Variants in FANCM observed in about 807,000 individuals in gnomAD.
The protein encoded by FANCM is FA complementation group M, also known as Fanconi anemia group M protein.
In FANCM, 140 loss-of-function variants were observed where a neutral mutation model predicts 199.5. The ratio of observed to expected loss-of-function variants is 0.70; its 90% CI spans 0.61 to 0.81. The LOEUF (loss-of-function observed/expected upper bound fraction) is 0.81, where lower values mean the gene tolerates loss of function less well. FANCM is among the 30% of genes least tolerant of loss of function. The probability of loss-of-function intolerance (pLI) is 0.00; values close to 1 mark genes in which losing one functional copy is unlikely to be tolerated. For synonymous variants in FANCM, 840 were observed against 836.8 expected (o/e 1.00, Z -0.07); for missense variants, 2,410 against 2,421.4 (o/e 1.00, Z 0.10).
At chr14:45,153,889 T>C (rs2139168493) in intron 5 of FANCM, 31 bp from the exon 6 acceptor site, 1 of 1,591,306 alleles carries the variant, frequency 6.3e-7, no homozygotes, top group Non-Finnish European at 8.6e-7. Context: ...TTTATTTCTC[T>C]GGTTAAATTT....
At chr14:45,193,436 A>G (rs116462862) in intron 20 of FANCM, among the ~76,000 whole-genome samples, 2,332 of 152,308 alleles carry the variant, frequency 0.015, 19 homozygotes, top group Middle Eastern at 0.024. Flanking sequence ...ATCTGCTGAC[A>G]CAAGTGTGGG....
chr14:45,144,185 C>A (rs1034213678), intron 3 of FANCM, among the ~76,000 whole-genome samples: 1 of 152,062 alleles, frequency 6.6e-6, no homozygotes, highest in African/African-American at 2.4e-5. Context: ...TTGTTACAAT[C>A]CAGTTATACT....
chr14:45,176,899 A>G lies in FANCM; in HGVS notation c.4145A>G (p.Asp1382Gly), dbSNP rs2139253766. The G allele has an allele frequency of 6.2e-7, 1 of 1,611,496 alleles. No homozygotes were observed. The highest frequency in any genetic ancestry group is 1.3e-5 in the African/African-American group (1 of 75,000). The change falls in exon 14 of 23, where the codon GAT (aspartate) becomes GGT (glycine). Residue 1382 changes from aspartate (D) to glycine (G), a missense_variant. Coordinates refer to ENST00000267430, the MANE Select transcript of FANCM (RefSeq NM_020937.4). Reference sequence around the variant, plus strand: ...AAAGAAGCATTGAATTCAACTTTTGATTATTCAGAATTTTCTCTAGAAAAG... The same window carrying G: ...AAAGAAGCATTGAATTCAACTTTTGGTTATTCAGAATTTTCTCTAGAAAAG... ...RFKEALNSTF[D>G]YSEFSLEKSK...
intron 13 of FANCM, 24 bp downstream of exon 13, chr14:45,173,234 C>T (rs1206677209): frequency 6.2e-7 from 1 of 1,604,428 alleles, no homozygotes; most frequent in Non-Finnish European, 8.5e-7. Context: ...GTAACTTTCT[C>T]TTGCTGGTAT....
intron 3 of FANCM, among the ~76,000 whole-genome samples, chr14:45,148,236 A>C (rs1044296352): frequency 1.5e-4 from 18 of 119,078 alleles, no homozygotes; most frequent in South Asian, 2.6e-4. Context: ...CACACACACA[A>C]AACAACTTTT....
chr14:45,163,789 T>G (rs1310623886), intron 9 of FANCM, among the ~76,000 whole-genome samples: 1 of 152,210 alleles, frequency 6.6e-6, no homozygotes. Context: ...GTTTTCTCAT[T>G]CAGTGACGAA....
intron 5 of FANCM, among the ~76,000 whole-genome samples, chr14:45,152,019 C>T: frequency 6.8e-6 from 1 of 148,022 alleles, no homozygotes; most frequent in African/African-American, 2.5e-5. Context: ...TAAATTTTAC[C>T]TTTTAACTTT....
intron 14 of FANCM, among the ~76,000 whole-genome samples, chr14:45,178,912 T>A (rs1888879376): frequency 6.6e-6 from 1 of 152,026 alleles, no homozygotes; most frequent in African/African-American, 2.4e-5. Context: ...TTAAAAACCT[T>A]AATGGGCCTG....
At chr14:45,181,546 A>G (rs1889069864) in intron 15 of FANCM, 22 bp downstream of exon 15, 3 of 1,538,136 alleles carry the variant, frequency 2.0e-6, no homozygotes, top group East Asian at 2.3e-5. Flanking sequence ...AGTAATCACA[A>G]TAGTATAATC....
At position 45,173,057 on chromosome 14, in the gene FANCM, T is replaced by G. The variant is rs781479852; in HGVS notation, c.2163T>G (p.Ala721=). The part of the protein sequence containing the change: ...SSLQNEENKP[A]QESTTGIHQL... The stretch of plus-strand genomic sequence containing the variant: ...TTATTACTTTTTAAATAATTAAGGC[T>G]CAAGAATCAACCACTGGAATTCATC... The change falls in exon 13 of 23, where the codon GCT becomes GCG. Residue 721 remains alanine, a splice_region_variant and synonymous_variant. Transcript: ENST00000267430. 7 of 1,604,018 alleles carry G rather than the reference T, an allele frequency of 4.4e-6. No homozygotes were observed. The highest frequency in any genetic ancestry group is 6.0e-6 in the Non-Finnish European group (7 of 1,171,090).
intron 1 of FANCM, among the ~76,000 whole-genome samples, chr14:45,136,745 G>A (rs1885543173): frequency 6.6e-6 from 1 of 152,204 alleles, no homozygotes; most frequent in Non-Finnish European, 1.5e-5. Flanking sequence ...AAGCTATTAT[G>A]TGCGTATACC....
chr14:45,167,245 T>A, intron 11 of FANCM, 82 bp downstream of exon 11: 1 of 817,648 alleles, frequency 1.2e-6, no homozygotes, highest in Non-Finnish European at 2.1e-6. Context: ...TATTTCTTGT[T>A]TGAAAAACTG....
At chr14:45,174,780 A>G (rs1346438470) in intron 13 of FANCM, among the ~76,000 whole-genome samples, 1 of 152,176 alleles carries the variant, frequency 6.6e-6, no homozygotes, top group East Asian at 1.9e-4. Context: ...AACTCACTAT[A>G]TTCTTATGTA....
intron 14 of FANCM, among the ~76,000 whole-genome samples, chr14:45,179,954 A>G (rs890019937): frequency 2.0e-5 from 3 of 152,102 alleles, no homozygotes; most frequent in African/African-American, 7.2e-5. Flanking sequence ...TTAAGCCCTC[A>G]CCCACCATTT....
chr14:45,141,507 TC>T (rs1231647926), intron 3 of FANCM, among the ~76,000 whole-genome samples: 1 of 81,978 alleles, frequency 1.2e-5, no homozygotes, highest in African/African-American at 5.2e-5. Context: ...TCTGTTCTCC[TC>T]CCCCTCCCCT....
At chr14:45,150,882 T>TAAATGCTG (rs1886771000) in intron 4 of FANCM, among the ~76,000 whole-genome samples, 1 of 152,220 alleles carries the variant, frequency 6.6e-6, no homozygotes, top group Non-Finnish European at 1.5e-5. Flanking sequence ...ATCCCCAGCA[T>TAAATGCTG]TTAGAACAGT....
intron 3 of FANCM, 88 bp from the exon 4 acceptor site, chr14:45,148,749 A>G (rs1886608277): frequency 1.2e-6 from 1 of 841,894 alleles, no homozygotes; most frequent in Non-Finnish European, 1.9e-6. Flanking sequence ...TTCTTTCAAA[A>G]TTTTACTGCT....
At chr14:45,137,024 T>C (rs1885564427) in intron 1 of FANCM, 45 bp from the exon 2 acceptor site, 1 of 1,388,824 alleles carries the variant, frequency 7.2e-7, no homozygotes, top group Non-Finnish European at 1.0e-6. Flanking sequence ...ATTTTATAGA[T>C]AACAGTCTGA....
At chr14:45,163,770 A>G (rs2139202418) in intron 9 of FANCM, among the ~76,000 whole-genome samples, 1 of 152,338 alleles carries the variant, frequency 6.6e-6, no homozygotes, top group Non-Finnish European at 1.5e-5. Context: ...TGCTAAAAGT[A>G]AACTCTGGGT....
Sources: allele counts gnomAD v4.1 joint callset (sites outside exome capture counted in the v4.1 genomes callset), GRCh38; gene constraint gnomAD v4.1.1; transcripts MANE v1.5; gene names NCBI Gene and HGNC (gene_info 2026-07-23, HGNC 2026-07-21).